Variants in PAX8 observed in about 807,000 individuals in gnomAD.
PAX8 encodes the protein paired box 8, also known as paired box protein Pax-8.
A neutral mutation model predicts 52.4 loss-of-function variants in PAX8; 15 were observed. That is an observed-to-expected ratio of 0.29 (90% CI 0.19 to 0.44). The LOEUF (loss-of-function observed/expected upper bound fraction) is 0.44, where lower values mean the gene tolerates loss of function less well. Among genes scored for constraint, PAX8 ranks in the 20% least tolerant of loss-of-function variants. PAX8 has a pLI of 1.00. For synonymous variants in PAX8, 284 were observed against 249.7 expected (o/e 1.14, Z -1.29); for missense variants, 554 against 602.5 (o/e 0.92, Z 0.84).
chr2:113,235,327 T>C, intron 9 of PAX8, 67 bp downstream of exon 9: 2 of 1,358,522 alleles, frequency 1.5e-6, no homozygotes, highest in Admixed American at 4.4e-5. Flanking sequence ...GGGCTGGCGG[T>C]CTGCCCTGAG....
chr2:113,229,888 C>T (rs980960216), intron 9 of PAX8, among the ~76,000 whole-genome samples: 8 of 152,056 alleles, frequency 5.3e-5, no homozygotes, highest in African/African-American at 9.7e-5. Flanking sequence ...AAGGTGGTGG[C>T]GGATTCAGGC....
At chr2:113,238,112 C>T (rs966741958) in intron 7 of PAX8, 15 of 150,082 alleles carry the variant, frequency 1.0e-4, no homozygotes, top group African/African-American at 3.2e-4. Context: ...TCTTGTTGCC[C>T]AAGCTGGAGT....
chr2:113,245,990 G>A (rs1190984257), intron 3 of PAX8, among the ~76,000 whole-genome samples: 2 of 152,216 alleles, frequency 1.3e-5, no homozygotes, highest in Non-Finnish European at 2.9e-5. Context: ...TGGAAGCTGT[G>A]GCACAGAGGC....
chr2:113,242,562 T>G, intron 5 of PAX8, 128 bp downstream of exon 5: 1 of 777,612 alleles, frequency 1.3e-6, no homozygotes, highest in Non-Finnish European at 2.4e-6. Flanking sequence ...ACACATGGGT[T>G]TGTGAATGGT....
chr2:113,226,222 G>A (rs1210577459), intron 10 of PAX8: 1 of 985,326 alleles, frequency 1.0e-6, no homozygotes, highest in African/African-American at 1.7e-5. Context: ...GCAGGCCTAG[G>A]TAAATACGCC....
At chr2:113,241,328 C>T (rs1458338302) in intron 7 of PAX8, 2 of 630,496 alleles carry the variant, frequency 3.2e-6, no homozygotes, top group Admixed American at 2.4e-5. Context: ...GGCCCAGGCT[C>T]AAAGGTTTTG....
At chr2:113,236,551 C>A (rs761793239) in intron 8 of PAX8, 50 bp downstream of exon 8, 51 of 1,535,836 alleles carry the variant, frequency 3.3e-5, no homozygotes, top group Non-Finnish European at 4.1e-5. Flanking sequence ...GCCAGCCAAG[C>A]TCTTCAGTCC....
At chr2:113,265,621 T>C (rs890679789) in intron 2 of PAX8, 3 of 152,206 alleles carry the variant, frequency 2.0e-5, no homozygotes, top group African/African-American at 7.2e-5. Context: ...TTGCTCAGCA[T>C]TTTGTGTCTA....
rs1479125056 is a variant in PAX8, at chr2:113,259,706, A to T, written c.26-12787T>A. The T allele has an allele frequency of 1.4e-4, 5 of 35,402 alleles. No individual in the cohort carries two copies. In the East Asian group the frequency reaches 1.9e-3, roughly 14 times the overall value. 2.2% of individuals were successfully genotyped at this position (35,402 alleles called of 1,614,324 possible). A position where few individuals can be genotyped will look rare whatever the true frequency, so the allele number is the denominator to read the frequency against. ...ATGTCAACAAACACTTATCGAAAGCATTAATTGATGAAACATGAACTTCTA... is the reference window on the plus strand; with the variant it reads ...ATGTCAACAAACACTTATCGAAAGCTTTAATTGATGAAACATGAACTTCTA... On this transcript the variant is annotated intron_variant, in intron 2 of 11. Transcript: ENST00000429538.
At chr2:113,241,833 A>G in intron 6 of PAX8, 107 bp from the exon 7 acceptor site, 8 of 1,485,842 alleles carry the variant, frequency 5.4e-6, no homozygotes, top group South Asian at 2.3e-5. Flanking sequence ...AGGGAGAAAA[A>G]GGGCCAGCCA....
At position 113,278,390 on chromosome 2, in the gene PAX8, G is replaced by A. The variant is rs886054794; in HGVS notation, c.5C>T (p.Pro2Leu). The change falls in exon 2 of 12, where the codon CCT becomes CTT. Residue 2 changes from proline to leucine, a missense_variant. Pro to Leu is a moderately conservative substitution (Grantham distance 98). Around this residue, in one of 2 missense-constraint regions of PAX8, gnomAD observed 109 missense variants for 192.7 expected, o/e 0.57. Transcript: ENST00000429538. Reference sequence around the variant, plus strand: ...CTTACCAGATCTGATGGAGTTGTGAGGCATCGCCGGGGAGTCGCTCGCAGC... The same window carrying A: ...CTTACCAGATCTGATGGAGTTGTGAAGCATCGCCGGGGAGTCGCTCGCAGC... M[P>L]HNSIRSGHGG... 4 of 1,610,132 alleles carry A rather than the reference G, an allele frequency of 2.5e-6. No homozygotes were observed. Among genetic ancestry groups the A allele is most frequent in the South Asian group, 1.1e-5 (1 of 90,798 alleles).
intron 6 of PAX8, 34 bp from the exon 7 acceptor site, chr2:113,241,760 G>T: frequency 6.2e-7 from 1 of 1,609,718 alleles, no homozygotes; most frequent in South Asian, 1.1e-5. Context: ...AAGCTTTTAG[G>T]GGACCTATCT....
At chr2:113,276,153 T>C (rs1290915733) in intron 2 of PAX8, 1 of 152,156 alleles carries the variant, frequency 6.6e-6, no homozygotes, top group African/African-American at 2.4e-5. Flanking sequence ...AATGGGCTTG[T>C]AAAAACCAGA....
At position 113,216,949 on chromosome 2, in the gene PAX8, C is replaced by G. The variant is rs185553422; in HGVS notation, c.*1584G>C. The stretch of plus-strand genomic sequence containing the variant: ...TAATTTCAGCTTAACTTATATGAAG[C>G]CTTCCATACTGTGCCTGGCACACAA... On this transcript the variant is annotated 3_prime_UTR_variant, in exon 12 of 12. Transcript: ENST00000429538. 2.2e-5 allele frequency: 5 copies of G among 230,622 alleles called. No individual in the cohort carries two copies. The highest frequency in any genetic ancestry group is 1.8e-4 in the South Asian group (1 of 5,508). 14.3% of individuals were successfully genotyped at this position (230,622 alleles called of 1,614,324 possible). A position where few individuals can be genotyped will look rare whatever the true frequency, so the allele number is the denominator to read the frequency against.
In PAX8 at chr2:113,244,479, C is replaced by T. The variant is rs766051649; in HGVS notation, c.337G>A (p.Ala113Thr). 3 of 1,614,020 alleles carry T rather than the reference C, an allele frequency of 1.9e-6. No individual in the cohort carries two copies. Among genetic ancestry groups the T allele is most frequent in the Admixed American group, 3.3e-5 (2 of 60,008 alleles). Residue 113 changes from alanine (A) to threonine (T), a missense_variant, in exon 4 of 12, where the codon GCT becomes ACT. Transcript: ENST00000429538. ...GTGTCATTGTCACAGACGCCCTCAG[C>T]CAGGAGCCGGTCTCGGATCTCCCAG... ...FAWEIRDRLLAEGVCDNDTVP... is the reference protein window; with the variant it reads ...FAWEIRDRLLTEGVCDNDTVP...
At chr2:113,221,938 A>T (rs2104418095) in intron 10 of PAX8, among the ~76,000 whole-genome samples, 1 of 152,300 alleles carries the variant, frequency 6.6e-6, no homozygotes, top group Non-Finnish European at 1.5e-5. Context: ...GGGTAAAAAA[A>T]GGAAGGGGGT....
At chr2:113,239,726 A>G (rs150009711) in intron 7 of PAX8, 1 of 152,284 alleles carries the variant, frequency 6.6e-6, no homozygotes, top group African/African-American at 2.4e-5. Flanking sequence ...ATGGTTTTCA[A>G]ATGCTTTTTT....
chr2:113,236,141 CGG>C, intron 8 of PAX8: 1 of 146,094 alleles, frequency 6.8e-6, no homozygotes, highest in Non-Finnish European at 1.4e-5. Context: ...GGCCTAGGAC[CGG>C]AGGCGCGACC....
intron 9 of PAX8, among the ~76,000 whole-genome samples, chr2:113,227,536 C>A (rs1216184687): frequency 6.6e-6 from 1 of 152,204 alleles, no homozygotes; most frequent in Non-Finnish European, 1.5e-5. Flanking sequence ...TGATTGTTAT[C>A]TTATTAATCC....
Sources: gnomAD v4.1 joint callset for allele counts (sites outside exome capture counted in the v4.1 genomes callset) on GRCh38, gnomAD v4.1.1 for gene constraint, gnomAD v4.1.1 regional missense constraint, MANE v1.5 for transcripts, NCBI Gene and HGNC (gene_info 2026-07-23, HGNC 2026-07-21) for gene names.